SP4: variants seen among roughly 807,000 people sequenced by gnomAD.
SP4 encodes the protein transcription factor Sp4.
Under a neutral mutation model 72.8 loss-of-function variants are expected in SP4, and 19 were observed. That is an observed-to-expected ratio of 0.26 (90% CI 0.18 to 0.38). The LOEUF is 0.38. Among genes scored for constraint, SP4 ranks in the 10% least tolerant of loss-of-function variants. The probability of loss-of-function intolerance (pLI) is 1.00; values close to 1 mark genes in which losing one functional copy is unlikely to be tolerated. For missense variants in SP4, 1,008 were observed against 926.3 expected (o/e 1.09, Z -1.14); for synonymous variants, 395 against 333.1 (o/e 1.19, Z -2.02).
At chr7:21,465,136 TAGAATAA>T (rs1784128332) in intron 3 of SP4, among the ~76,000 whole-genome samples, 3 of 152,100 alleles carry the variant, frequency 2.0e-5, no homozygotes, top group Non-Finnish European at 4.4e-5. Flanking sequence ...GGAGCAAGAT[TAGAATAA>T]ATAGAAATAA....
At chr7:21,429,079 C>T (rs1399771147) in intron 2 of SP4, among the ~76,000 whole-genome samples, 1 of 152,112 alleles carries the variant, frequency 6.6e-6, no homozygotes, top group African/African-American at 2.4e-5. Context: ...AAGAAATTTC[C>T]TTTTATTTAA....
intron 3 of SP4, among the ~76,000 whole-genome samples, chr7:21,469,651 C>G (rs1463964157): frequency 6.6e-6 from 1 of 150,562 alleles, no homozygotes; most frequent in East Asian, 2.0e-4. Flanking sequence ...AAGTGATTCT[C>G]TTGCCTCAGC....
At chr7:21,463,892 G>A (rs1013442481) in intron 3 of SP4, among the ~76,000 whole-genome samples, 3 of 152,176 alleles carry the variant, frequency 2.0e-5, no homozygotes, top group South Asian at 2.1e-4. Context: ...ATAGTTCTAA[G>A]GTTCAAGTCT....
intron 3 of SP4, among the ~76,000 whole-genome samples, chr7:21,461,364 A>C (rs956547972): frequency 1.3e-5 from 2 of 152,170 alleles, no homozygotes; most frequent in Non-Finnish European, 2.9e-5. Flanking sequence ...TGGACTGCAG[A>C]TCCTGAGCCC....
intron 5 of SP4, among the ~76,000 whole-genome samples, chr7:21,495,624 G>A (rs1410770499): frequency 6.6e-6 from 1 of 152,178 alleles, no homozygotes; most frequent in African/African-American, 2.4e-5. Flanking sequence ...AGGATGCAGA[G>A]CAATTGGAAT....
chr7:21,489,658 C>G (rs1221737924), intron 5 of SP4, among the ~76,000 whole-genome samples: 2 of 147,116 alleles, frequency 1.4e-5, no homozygotes. Flanking sequence ...CTCCTGGGTT[C>G]ATGCCATTCT....
chr7:21,511,356 G>C lies in SP4; in HGVS notation c.*87G>C. ...AAATGGGCTGGTCAAGTGGATTACA[G>C]AGTAGGAAATTATGTTTTCATTCTT... is the stretch of plus-strand genomic sequence containing the variant. On this transcript the variant is annotated 3_prime_UTR_variant, in exon 6 of 6. Coordinates refer to ENST00000222584, the MANE Select transcript of SP4 (RefSeq NM_003112.5). 7.6e-7 allele frequency: 1 copy of C among 1,315,654 alleles called. No individual in the cohort carries two copies. Among genetic ancestry groups the C allele is most frequent in the South Asian group, 1.4e-5 (1 of 71,554 alleles). 81.5% of individuals were successfully genotyped at this position (1,315,654 alleles called of 1,614,324 possible).
intron 3 of SP4, among the ~76,000 whole-genome samples, chr7:21,467,345 A>T (rs1324486796): frequency 6.6e-6 from 1 of 152,178 alleles, no homozygotes; most frequent in East Asian, 1.9e-4. Flanking sequence ...GTTACCTTTA[A>T]AAAAACAACT....
intron 3 of SP4, among the ~76,000 whole-genome samples, chr7:21,469,723 T>C (rs1325803256): frequency 6.6e-6 from 1 of 152,078 alleles, no homozygotes; most frequent in African/African-American, 2.4e-5. Context: ...TTTGTATTTT[T>C]AGTAGAGACA....
chr7:21,449,514 G>C (rs1245278003), intron 3 of SP4, among the ~76,000 whole-genome samples: 1 of 152,092 alleles, frequency 6.6e-6, no homozygotes, highest in East Asian at 1.9e-4. Flanking sequence ...AAGAGATTCA[G>C]AATGGTACTG....
At chr7:21,474,093 A>G (rs924027589) in intron 3 of SP4, among the ~76,000 whole-genome samples, 8 of 152,222 alleles carry the variant, frequency 5.3e-5, no homozygotes, top group African/African-American at 1.9e-4. Flanking sequence ...AATGCTCACA[A>G]TATGGAGGCT....
At position 21,428,186 on chromosome 7, in the gene SP4, T is replaced by G; in HGVS notation, c.-66T>G. The G allele has an allele frequency of 1.4e-4, 41 of 297,658 alleles. No homozygotes were observed. The highest frequency in any genetic ancestry group is 2.4e-4 in the East Asian group (3 of 12,266). The allele number at this position is 297,658 out of a possible 1,614,324, so 18.4% of individuals were successfully genotyped here. A position where few individuals can be genotyped will look rare whatever the true frequency, so the allele number is the denominator to read the frequency against. On this transcript the variant is annotated 5_prime_UTR_variant, in exon 1 of 6. Coordinates refer to ENST00000222584, the MANE Select transcript of SP4 (RefSeq NM_003112.5). The stretch of plus-strand genomic sequence containing the variant: ...GGCGGGACCGGCCTCTCCTCCCGCC[T>G]CGCCCCCACCCCCACCCACCTCTAT...
rs1482225116 is a variant in SP4 at position 21,512,194 on chromosome 7, T to G, written c.*925T>G. The G allele has an allele frequency of 1.3e-5, 2 of 152,570 alleles. No individual in the cohort carries two copies. Among genetic ancestry groups the G allele is most frequent in the Non-Finnish European group, 2.9e-5 (2 of 68,020 alleles). 9.5% of individuals were successfully genotyped at this position (152,570 alleles called of 1,614,324 possible). A position where few individuals can be genotyped will look rare whatever the true frequency, so the allele number is the denominator to read the frequency against. On this transcript the variant is annotated 3_prime_UTR_variant, in exon 6 of 6. Coordinates refer to ENST00000222584, the MANE Select transcript of SP4 (RefSeq NM_003112.5). ...TAGTTTCATATTTTGTAAATATGAG[T>G]TATGTTGACAATGTGCAGAATTCTT...
At chr7:21,508,807 C>T (rs1432079548) in intron 5 of SP4, among the ~76,000 whole-genome samples, 1 of 111,544 alleles carries the variant, frequency 9.0e-6, no homozygotes, top group Non-Finnish European at 1.8e-5. Flanking sequence ...TGTCTACACA[C>T]TTTTTTTTTT....
At chr7:21,482,202 CA>C in intron 5 of SP4, 79 bp downstream of exon 5, 2 of 1,120,588 alleles carry the variant, frequency 1.8e-6, no homozygotes, top group Non-Finnish European at 2.6e-6. Context: ...GTTTAGCTAT[CA>C]AATTGGAAAT....
intron 3 of SP4, among the ~76,000 whole-genome samples, chr7:21,472,890 A>G (rs1046755586): frequency 1.3e-5 from 2 of 152,154 alleles, no homozygotes; most frequent in Non-Finnish European, 2.9e-5. Context: ...TGGAGTGGCG[A>G]GTGGTGTCAA....
At chr7:21,488,964 A>G (rs972966722) in intron 5 of SP4, among the ~76,000 whole-genome samples, 3 of 152,182 alleles carry the variant, frequency 2.0e-5, no homozygotes, top group Admixed American at 6.5e-5. Context: ...ACTTAGAAGT[A>G]AGGCAATCTA....
intron 3 of SP4, 22 bp from the exon 4 acceptor site, chr7:21,477,057 T>A (rs1784520753): frequency 3.2e-6 from 5 of 1,573,792 alleles, no homozygotes; most frequent in Non-Finnish European, 4.4e-6. Context: ...TTACAATACT[T>A]CTTTTTTTTC....
chr7:21,508,833 G>A (rs781549142), intron 5 of SP4, among the ~76,000 whole-genome samples: 217 of 121,338 alleles, frequency 1.8e-3, no homozygotes, highest in Non-Finnish European at 2.2e-3. Context: ...TTTTTTTTGA[G>A]ACAAGGCCGT....
Sources: allele counts gnomAD v4.1 joint callset (sites outside exome capture counted in the v4.1 genomes callset), GRCh38; gene constraint gnomAD v4.1.1; transcripts MANE v1.5; gene names NCBI Gene and HGNC (gene_info 2026-07-23, HGNC 2026-07-21).